Variants in NPEPL1 observed in about 807,000 individuals in gnomAD.
NPEPL1 encodes probable aminopeptidase NPEPL1.
Under a neutral mutation model 52.4 loss-of-function variants are expected in NPEPL1, and 45 were observed. The ratio of observed to expected loss-of-function variants is 0.86; its 90% CI spans 0.68 to 1.10. NPEPL1 has a LOEUF of 1.10. Ranked by LOEUF, NPEPL1 falls within the 50% of genes least tolerant of loss-of-function variation. The pLI, the probability that NPEPL1 is intolerant of heterozygous loss-of-function variation, is 0.00. For synonymous variants in NPEPL1, 360 were observed against 314.7 expected, an observed-to-expected ratio of 1.14 and a Z score of -1.52; for missense variants, 696 against 710.9, an observed-to-expected ratio of 0.98 and a Z score of 0.24.
upstream of NPEPL1, chr20:58,692,694 C>G (rs938007285): frequency 8.4e-6 from 4 of 474,520 alleles, no homozygotes; most frequent in African/African-American, 6.4e-5. This position sits in a 1 kb window ranked among gnomAD's most constrained non-coding sequence, Gnocchi z 5.7. Flanking sequence ...CTGCCCGCAC[C>G]CTTCCGCCCG....
intron 6 of NPEPL1, 84 bp from the exon 7 acceptor site, chr20:58,707,039 G>A: frequency 7.2e-7 from 1 of 1,384,488 alleles, no homozygotes; most frequent in Non-Finnish European, 1.0e-6. Context: ...GCTAGCGTGG[G>A]GCCGGGTGGG....
At chr20:58,701,916 G>A (rs950167135) in intron 6 of NPEPL1, among the ~76,000 whole-genome samples, 9 of 152,134 alleles carry the variant, frequency 5.9e-5, no homozygotes, top group Non-Finnish European at 1.0e-4. Context: ...AGCCCCCGTC[G>A]TGGCCGAGTC....
rs1368163451 is a variant in NPEPL1, at chr20:58,701,071, C to T, written c.735C>T (p.Ser245=). 1.3e-6 allele frequency: 2 copies of T among 1,596,172 alleles called. No individual in the cohort carries two copies. Among genetic ancestry groups the T allele is most frequent in the Non-Finnish European group, 1.7e-6 (2 of 1,172,382 alleles). ...ALHPPALAVL[S]HTPDGATQTI... is the part of the protein sequence containing the mutation. Reference sequence around the variant, plus strand: ...ATCCCCCAGCCCTGGCCGTCCTCAGCCACACCCCAGATGGAGCCACGCAGA... The same window carrying T: ...ATCCCCCAGCCCTGGCCGTCCTCAGTCACACCCCAGATGGAGCCACGCAGA... Residue 245 remains serine, a synonymous_variant, in exon 6 of 12, where the codon AGC becomes AGT. Coordinates refer to ENST00000356091, the MANE Select transcript of NPEPL1 (RefSeq NM_024663.4).
chr20:58,693,583 A>T, intron 1 of NPEPL1, 154 bp from the exon 2 acceptor site: 1 of 627,678 alleles, frequency 1.6e-6, no homozygotes, highest in East Asian at 3.0e-5. Flanking sequence ...GAGAGGCGAC[A>T]CATCTCCCTA....
At chr20:58,691,257 AT>A (rs1263764122), upstream of NPEPL1, 7 of 672,732 alleles carry the variant, frequency 1.0e-5, no homozygotes, top group Non-Finnish European at 8.0e-6. Flanking sequence ...GTGTGAAAAC[AT>A]TCAGCTGCTG....
chr20:58,691,483 C>G (rs1408106732), upstream of NPEPL1: 1 of 628,908 alleles, frequency 1.6e-6, no homozygotes, highest in African/African-American at 2.0e-5. Flanking sequence ...TGCTGAAGCT[C>G]TAGTCTGTGG....
Position 58,712,524 on chromosome 20 carries a change from TC to T in NPEPL1, c.947del (p.Ser316TrpfsTer56). ...LHAVFCLAENSVGPNATRPDD... is the reference protein window; with the variant it reads ...LHAVFCLAENXVGPNATRPDD... ...CGCTGTGTTCTGCTTGGCTGAGAAC[TC>T]GGTGGGGCCCAATGCGACAAGGCCA... is the stretch of plus-strand genomic sequence containing the variant. On this transcript the variant is annotated frameshift_variant, in exon 8 of 12. Transcript: ENST00000356091. LOFTEE classifies it high-confidence loss of function. The T allele has an allele frequency of 6.2e-7, 1 of 1,613,596 alleles. No individual in the cohort carries two copies. Among genetic ancestry groups the T allele is most frequent in the Non-Finnish European group, 8.5e-7 (1 of 1,179,822 alleles).
At chr20:58,712,101 C>CTGTGTG (rs1303260270) in intron 7 of NPEPL1, among the ~76,000 whole-genome samples, 3 of 98,490 alleles carry the variant, frequency 3.0e-5, no homozygotes, top group African/African-American at 9.0e-5. Flanking sequence ...TCCTGCCCCT[C>CTGTGTG]TGTGTGTGTA....
intron 7 of NPEPL1, 116 bp downstream of exon 7, chr20:58,707,316 A>G: frequency 1.0e-6 from 1 of 964,750 alleles, no homozygotes; most frequent in Non-Finnish European, 1.5e-6. Flanking sequence ...GAGTCTCCCC[A>G]GCGGATGCTT....
rs1219286350 is a variant in NPEPL1, at chr20:58,698,761, C to T, written c.585C>T (p.Asp195=). 2 of 1,612,632 alleles carry T rather than the reference C, an allele frequency of 1.2e-6. No homozygotes were observed. The highest frequency in any genetic ancestry group is 4.5e-5 in the East Asian group (2 of 44,860). ...VDTPCNEMNT[D]TFLEEINKVG... The stretch of plus-strand genomic sequence containing the variant: ...CACCCTGCAATGAGATGAACACCGA[C>T]ACCTTCCTCGAGGTTTGTGGCGTCA... Residue 195 remains aspartate (D), a synonymous_variant, in exon 4 of 12, where the codon GAC becomes GAT. Coordinates refer to ENST00000356091, the MANE Select transcript of NPEPL1 (RefSeq NM_024663.4).
At chr20:58,702,093 C>T (rs1160180440) in intron 6 of NPEPL1, among the ~76,000 whole-genome samples, 1 of 152,264 alleles carries the variant, frequency 6.6e-6, no homozygotes, top group Non-Finnish European at 1.5e-5. Flanking sequence ...AGTGCATCCG[C>T]AGCAGACACT....
Position 58,692,975 on chromosome 20 carries a change from C to T in NPEPL1, c.75C>T (p.Leu25=), listed in dbSNP as rs531118502. Residue 25 remains leucine, a synonymous_variant, in exon 1 of 12, where the codon CTC becomes CTT. Transcript: ENST00000356091. The surrounding 1 kb of genome is among the most constrained non-coding windows in gnomAD (Gnocchi z 5.7). ...CACAGAGCCGGCCCCTGCTGCTGCT[C>T]GGGCAGCTGCACCACCTGCACCGCG... ...SDPQSRPLLL[L]GQLHHLHRVP... is the part of the protein sequence containing the mutation. 1.8e-4 allele frequency: 212 copies of T among 1,191,258 alleles called. 5 individuals are homozygous for T. The South Asian group carries it at 3.8e-3, about 22-fold the overall frequency. 73.8% of individuals were successfully genotyped at this position (1,191,258 alleles called of 1,614,324 possible).
rs1440281244 is a variant in NPEPL1, at chr20:58,699,282, G to T, written c.679+4G>T. 1 of 1,601,820 alleles carries T rather than the reference G, an allele frequency of 6.2e-7. No individual in the cohort carries two copies. Among genetic ancestry groups the T allele is most frequent in the Admixed American group, 1.7e-5 (1 of 58,564 alleles). ...CTGAAGACGAGAGGATTTGGAGGTG[G>T]GTGGGGGCTGCATCCCTGCAGCTCT... On this transcript the variant is annotated splice_donor_region_variant and intron_variant, in intron 5 of 11. Coordinates refer to ENST00000356091, the MANE Select transcript of NPEPL1 (RefSeq NM_024663.4).
In NPEPL1 at chr20:58,704,344, T is replaced by C. The variant is rs886091313; in HGVS notation, c.823-2779T>C. 8 of 985,318 alleles carry C rather than the reference T, an allele frequency of 8.1e-6. No individual in the cohort carries two copies. In the African/African-American group the frequency reaches 1.0e-4, roughly 13 times the overall value. 61.0% of individuals were successfully genotyped at this position (985,318 alleles called of 1,614,324 possible). A position where few individuals can be genotyped will look rare whatever the true frequency, so the allele number is the denominator to read the frequency against. ...TTTCAAGGGCAGCTCAAGACCAGCCTGGACTAGCAGGCCTCAAATGCATTA... is the reference window on the plus strand; with the variant it reads ...TTTCAAGGGCAGCTCAAGACCAGCCCGGACTAGCAGGCCTCAAATGCATTA... On this transcript the variant is annotated intron_variant, in intron 6 of 11. Transcript: ENST00000356091.
At chr20:58,697,546 C>T (rs953564292) in intron 3 of NPEPL1, among the ~76,000 whole-genome samples, 16 of 152,232 alleles carry the variant, frequency 1.1e-4, no homozygotes, top group African/African-American at 3.9e-4. Flanking sequence ...GCTGCAGTAT[C>T]GACCCGGCGC....
Position 58,713,301 on chromosome 20 carries a change from G to C in NPEPL1, c.1002-119G>C. ...GGCCTTCCCATTCAGGGAACGTGTT[G>C]GGGTTCGGGGAGCCACAGGGATGGG... On this transcript the variant is annotated intron_variant, in intron 8 of 11. Transcript: ENST00000356091. The surrounding 1 kb of genome is among the most constrained non-coding windows in gnomAD (Gnocchi z 4.6). 7.5e-7 allele frequency: 1 copy of C among 1,333,012 alleles called. No individual in the cohort carries two copies. 82.6% of individuals were successfully genotyped at this position (1,333,012 alleles called of 1,614,324 possible).
At chr20:58,697,308 C>T (rs1369553662) in intron 3 of NPEPL1, among the ~76,000 whole-genome samples, 2 of 152,242 alleles carry the variant, frequency 1.3e-5, no homozygotes, top group Non-Finnish European at 2.9e-5. Flanking sequence ...TCGCCGTGGT[C>T]TGGGGTCTTC....
At chr20:58,693,155 C>T in intron 1 of NPEPL1, 105 bp downstream of exon 1, 2 of 811,272 alleles carry the variant, frequency 2.5e-6, no homozygotes, top group Non-Finnish European at 3.0e-6. Context: ...GCCGCCGGGC[C>T]GGGCCCAACG....
At chr20:58,708,976 C>T (rs1196635467) in intron 7 of NPEPL1, among the ~76,000 whole-genome samples, 2 of 152,138 alleles carry the variant, frequency 1.3e-5, no homozygotes, top group African/African-American at 2.4e-5. Flanking sequence ...GCCTCTGGGA[C>T]AGGCTGGCTG....
Sources: gnomAD v4.1 joint callset for allele counts (sites outside exome capture counted in the v4.1 genomes callset) on GRCh38, gnomAD v4.1.1 for gene constraint, Gnocchi (gnomAD v3.1) non-coding constraint, MANE v1.5 for transcripts, NCBI Gene and HGNC (gene_info 2026-07-23, HGNC 2026-07-21) for gene names.